OSBP2: variants seen among roughly 807,000 people sequenced by gnomAD.
OSBP2 encodes the protein oxysterol-binding protein 2.
A neutral mutation model predicts 96.0 loss-of-function variants in OSBP2; 66 were observed. The observed-to-expected ratio is 0.69, with a 90% CI of 0.56 to 0.84. OSBP2 has a LOEUF of 0.84. Among genes scored for constraint, OSBP2 ranks in the 40% least tolerant of loss-of-function variants. The pLI, the probability that OSBP2 is intolerant of heterozygous loss-of-function variation, is 0.00. For synonymous variants in OSBP2, 525 were observed against 520.9 expected (o/e 1.01, Z -0.11); for missense variants, 1,038 against 1,222.7 (o/e 0.85, Z 2.25).
At position 30,695,281 on chromosome 22, in the gene OSBP2, G is replaced by A. The variant is rs1259206233; in HGVS notation, c.372G>A (p.Ser124=). The A allele has an allele frequency of 6.2e-7, 1 of 1,613,402 alleles. No individual in the cohort carries two copies. The highest frequency in any genetic ancestry group is 8.5e-7 in the Non-Finnish European group (1 of 1,180,030). The change falls in exon 1 of 14, where the codon TCG becomes TCA. Residue 124 remains serine (S), a synonymous_variant. Transcript: ENST00000332585. ...VGAGPFTKAA[S]EPLSRAVGSA... is the part of the protein sequence containing the mutation. The stretch of plus-strand genomic sequence containing the variant: ...CTGGGCCCTTCACTAAGGCCGCATC[G>A]GAGCCGCTCTCCCGGGCGGTGGGGA...
intron 2 of OSBP2, among the ~76,000 whole-genome samples, chr22:30,860,618 C>T (rs13056704): frequency 0.11 from 16,919 of 152,300 alleles, 1,051 homozygotes; most frequent in African/African-American, 0.15. Context: ...TGTGGAAGTC[C>T]TGGCCTGGGC....
chr22:30,795,351 T>C (rs1377594831), intron 2 of OSBP2, among the ~76,000 whole-genome samples: 1 of 152,174 alleles, frequency 6.6e-6, no homozygotes, highest in Non-Finnish European at 1.5e-5. Context: ...GAAAAATTCA[T>C]CACCTTTATT....
At chr22:30,719,442 A>C (rs2089512110) in intron 1 of OSBP2, among the ~76,000 whole-genome samples, 1 of 151,898 alleles carries the variant, frequency 6.6e-6, no homozygotes, top group Admixed American at 6.6e-5. Flanking sequence ...TGGCAGAAGA[A>C]TCTCTAGGTA....
At chr22:30,866,020 G>C (rs900417726) in intron 2 of OSBP2, among the ~76,000 whole-genome samples, 1 of 152,208 alleles carries the variant, frequency 6.6e-6, no homozygotes, top group Non-Finnish European at 1.5e-5. Context: ...GTCCCGGGCA[G>C]TAAATCAGAC....
At position 30,906,043 on chromosome 22, in the gene OSBP2, C is replaced by G. The variant is rs1025648073; in HGVS notation, c.2582C>G (p.Pro861Arg). 1 of 1,481,586 alleles carries G rather than the reference C, an allele frequency of 6.7e-7. No individual in the cohort carries two copies. Among genetic ancestry groups the G allele is most frequent in the Admixed American group, 2.0e-5 (1 of 49,038 alleles). The allele number at this position is 1,481,586 out of a possible 1,614,324, so 91.8% of individuals were successfully genotyped here. Residue 861 changes from proline (P) to arginine (R), a missense_variant, in exon 13 of 14, where the codon CCG (proline) becomes CGG (arginine). Physicochemically the swap from Pro to Arg is moderately radical, Grantham distance 103. Transcript: ENST00000332585. ...CGCCGGCGGCTGGAGGCCTGCGGGCCGGGCAGCAGCTGCAGCTCGGAGGAA... is the reference window on the plus strand; with the variant it reads ...CGCCGGCGGCTGGAGGCCTGCGGGCGGGGCAGCAGCTGCAGCTCGGAGGAA... ...SRRRRLEACG[P>R]GSSCSSEEEK...
chr22:30,844,742 CAAGAACATGTCCT>C (rs1260464945), intron 2 of OSBP2: 3 of 152,204 alleles, frequency 2.0e-5, no homozygotes, highest in African/African-American at 7.2e-5. Context: ...TAATTTCCTT[CAAGAACATGTCCT>C]TTGCATTCAT....
intron 2 of OSBP2, among the ~76,000 whole-genome samples, chr22:30,825,965 C>T (rs190425167): frequency 1.7e-3 from 266 of 152,220 alleles, no homozygotes; most frequent in Admixed American, 3.3e-3. Context: ...CCATCAGGGG[C>T]GGACATACCA....
intron 2 of OSBP2, among the ~76,000 whole-genome samples, chr22:30,783,302 C>CA (rs2090544976): frequency 2.9e-5 from 1 of 34,708 alleles, no homozygotes; most frequent in African/African-American, 1.4e-4. Flanking sequence ...ATTCAGAGAG[C>CA]TTTTTTTTTT....
rs1390060238 is a variant in OSBP2 at position 30,907,787 on chromosome 22, C to G, written c.*1448C>G. On this transcript the variant is annotated 3_prime_UTR_variant, in exon 14 of 14. Transcript: ENST00000332585. ...TGTTTTGTTAGCGAGCACCTTTTGA[C>G]CAGTAATAAAAAACCTTGGCTTTGG... 1 of 152,640 alleles carries G rather than the reference C, an allele frequency of 6.6e-6. No individual in the cohort carries two copies. The highest frequency in any genetic ancestry group is 1.5e-5 in the Non-Finnish European group (1 of 68,092). The allele number at this position is 152,640 out of a possible 1,614,324, so 9.5% of individuals were successfully genotyped here. A position where few individuals can be genotyped will look rare whatever the true frequency, so the allele number is the denominator to read the frequency against.
At chr22:30,726,860 C>G (rs551907719) in intron 1 of OSBP2, among the ~76,000 whole-genome samples, 2 of 152,260 alleles carry the variant, frequency 1.3e-5, no homozygotes, top group African/African-American at 4.8e-5. Context: ...AGCCTCATCT[C>G]CGAAAGTGAG....
chr22:30,843,316 G>A (rs1170143911), intron 2 of OSBP2, among the ~76,000 whole-genome samples: 3 of 152,070 alleles, frequency 2.0e-5, no homozygotes, highest in African/African-American at 7.2e-5. Flanking sequence ...AGACCCCATT[G>A]GTGGCAAATT....
intron 2 of OSBP2, among the ~76,000 whole-genome samples, chr22:30,790,521 GCA>G (rs1343767100): frequency 6.6e-6 from 1 of 151,948 alleles, no homozygotes; most frequent in Non-Finnish European, 1.5e-5. Flanking sequence ...GTGTGTGTGC[GCA>G]CACACATGTG....
At chr22:30,742,193 G>A (rs991680585) in intron 2 of OSBP2, among the ~76,000 whole-genome samples, 1 of 151,894 alleles carries the variant, frequency 6.6e-6, no homozygotes, top group Admixed American at 6.5e-5. Flanking sequence ...AGCACTTTGG[G>A]AGGCTGCGGC....
intron 3 of OSBP2, among the ~76,000 whole-genome samples, chr22:30,876,397 G>T (rs1479943533): frequency 6.6e-6 from 1 of 152,232 alleles, no homozygotes; most frequent in African/African-American, 2.4e-5. Flanking sequence ...CTGTGTGGGT[G>T]GTGGCCTCAC....
chr22:30,862,837 G>C (rs191970523), intron 2 of OSBP2, among the ~76,000 whole-genome samples: 20 of 151,904 alleles, frequency 1.3e-4, no homozygotes, highest in African/African-American at 4.1e-4. Context: ...GCCAGGTGTG[G>C]TGGCGGGCGC....
At chr22:30,779,010 T>TGGA (rs2090476168) in intron 2 of OSBP2, among the ~76,000 whole-genome samples, 1 of 150,082 alleles carries the variant, frequency 6.7e-6, no homozygotes, top group Admixed American at 6.7e-5. Context: ...CACTCCAGCC[T>TGGA]TGGCAACAGA....
rs959381632 is a variant in OSBP2, at chr22:30,747,481, C to A, written c.853+6112C>A. Reference sequence around the variant, plus strand: ...GGGTAACAGAGCAATGCCTTGTCCCCAAAAATAATAATAATAAAAATAAAA... The same window carrying A: ...GGGTAACAGAGCAATGCCTTGTCCCAAAAAATAATAATAATAAAAATAAAA... On this transcript the variant is annotated intron_variant, in intron 2 of 13. Transcript: ENST00000332585. Among the ~76,000 whole-genome samples the A allele has an allele frequency of 5.9e-5, 9 of 151,874 alleles. No homozygotes were observed. The East Asian group carries it at 1.7e-3, about 29-fold the overall frequency.
chr22:30,786,941 G>C (rs939425429), intron 2 of OSBP2, among the ~76,000 whole-genome samples: 23 of 152,134 alleles, frequency 1.5e-4, no homozygotes, highest in African/African-American at 4.8e-4. Context: ...TGGGACTACA[G>C]GCACGTGCCA....
intron 2 of OSBP2, among the ~76,000 whole-genome samples, chr22:30,808,549 C>T (rs1218901487): frequency 1.3e-5 from 2 of 152,106 alleles, no homozygotes; most frequent in African/African-American, 4.8e-5. Flanking sequence ...ACCCCTTGTA[C>T]CTGTGAACAT....
Sources: allele counts gnomAD v4.1 joint callset (sites outside exome capture counted in the v4.1 genomes callset), GRCh38; gene constraint gnomAD v4.1.1; transcripts MANE v1.5; gene names NCBI Gene and HGNC (gene_info 2026-07-23, HGNC 2026-07-21).